EVC2: variants seen among roughly 807,000 people sequenced by gnomAD.
The protein encoded by EVC2 is EvC ciliary complex subunit 2, also known as limbin.
In EVC2, 148 loss-of-function variants were observed where a neutral mutation model predicts 149.3. The ratio of observed to expected loss-of-function variants is 0.99; its 90% confidence interval spans 0.87 to 1.14. EVC2 has a LOEUF of 1.14. Ranked by LOEUF, EVC2 falls within the 50% of genes most tolerant of loss-of-function variation. The probability of loss-of-function intolerance (pLI) is 0.00; values close to 1 mark genes in which losing one functional copy is unlikely to be tolerated. For missense variants in EVC2, 1,854 were observed against 1,627.3 expected, an observed-to-expected ratio of 1.14 and a Z score of -2.40; for synonymous variants, 776 against 649.9, an observed-to-expected ratio of 1.19 and a Z score of -2.95.
intron 16 of EVC2, among the ~76,000 whole-genome samples, chr4:5,588,808 TATA>T (rs1712530738): frequency 6.6e-6 from 1 of 152,226 alleles, no homozygotes; most frequent in African/African-American, 2.4e-5. Context: ...TAAACAAAAT[TATA>T]ATGACTGTTT....
intron 19 of EVC2, among the ~76,000 whole-genome samples, chr4:5,572,000 C>T (rs921244248): frequency 2.6e-5 from 4 of 152,308 alleles, no homozygotes; most frequent in African/African-American, 7.2e-5. Context: ...TGCAGGCCAA[C>T]CCTGCAGAAT....
intron 6 of EVC2, among the ~76,000 whole-genome samples, chr4:5,684,723 G>T (rs1313177153): frequency 1.3e-5 from 2 of 152,196 alleles, no homozygotes; most frequent in Non-Finnish European, 2.9e-5. Context: ...ATATGTTAAA[G>T]TCTGAAGTCC....
In EVC2 at chr4:5,622,416, G is replaced by A. The variant is rs1715756953; in HGVS notation, c.2501+121C>T. ...GAGTTTATATGACTAATTAACGCTG[G>A]TAATCTCATCTGTCTGGGGCCAGGT... is the stretch of plus-strand genomic sequence containing the variant. On this transcript the variant is annotated intron_variant, in intron 14 of 21. Transcript: ENST00000344408. This position sits in a 1 kb window ranked among gnomAD's most constrained non-coding sequence, Gnocchi z 5.8. The A allele has an allele frequency of 8.7e-7, 1 of 1,155,020 alleles. No individual in the cohort carries two copies. The highest frequency in any genetic ancestry group is 1.3e-6 in the Non-Finnish European group (1 of 787,898). The allele number at this position is 1,155,020 out of a possible 1,614,324, so 71.5% of individuals were successfully genotyped here.
At chr4:5,542,034 C>T (rs1425148478), downstream of EVC2, among the ~76,000 whole-genome samples, 1 of 152,122 alleles carries the variant, frequency 6.6e-6, no homozygotes, top group African/African-American at 2.4e-5. Flanking sequence ...AAGGATAGGG[C>T]CTTATAAGAA....
Position 5,640,481 on chromosome 4 carries a change from GA to G in EVC2, c.1470+32del. 1.9e-6 allele frequency: 3 copies of G among 1,611,588 alleles called. No homozygotes were observed. Among genetic ancestry groups the G allele is most frequent in the Non-Finnish European group, 2.5e-6 (3 of 1,177,766 alleles). On this transcript the variant is annotated intron_variant, in intron 10 of 21. Transcript: ENST00000344408. The surrounding 1 kb of genome is among the most constrained non-coding windows in gnomAD (Gnocchi z 4.6). ...AAATGACAAATCCCTGAGAGAAAGGGAAGTGAACGCCTTCCTTTCAGACCTG... is the reference window on the plus strand; with the variant it reads ...AAATGACAAATCCCTGAGAGAAAGGGAGTGAACGCCTTCCTTTCAGACCTG...
rs1008433770 is a variant in EVC2, at chr4:5,670,795, A to G, written c.871-5146T>C. On this transcript the variant is annotated intron_variant, in intron 7 of 21. Transcript: ENST00000344408. This position sits in a 1 kb window ranked among gnomAD's most constrained non-coding sequence, Gnocchi z 5.2. The stretch of plus-strand genomic sequence containing the variant: ...CAAATTCATTATCACCATCACCACC[A>G]TGACCACCACCACCATTACCATAGC... 1.3e-5 allele frequency among the ~76,000 whole-genome samples: 2 copies of G among 151,782 alleles called. No homozygotes were observed. Among genetic ancestry groups the G allele is most frequent in the African/African-American group, 2.4e-5 (1 of 41,262 alleles).
At chr4:5,701,185 A>G (rs937125615) in intron 1 of EVC2, among the ~76,000 whole-genome samples, 4 of 151,628 alleles carry the variant, frequency 2.6e-5, no homozygotes, top group African/African-American at 9.7e-5. Context: ...CATCTCTCTG[A>G]CCTCCTTCAA....
Position 5,694,431 on chromosome 4 carries a change from G to A in EVC2, c.354C>T (p.Ala118=). Residue 118 remains alanine, a synonymous_variant, in exon 3 of 22, where the codon GCC becomes GCT. Coordinates refer to ENST00000344408, the MANE Select transcript of EVC2 (RefSeq NM_147127.5). ...EVFIPLSTSA[A]SSGPWAHSLF... is the part of the protein sequence containing the mutation. ...AGGAATGAGCCCATGGCCCACTAGA[G>A]GCTGCAGAAGTTGAGAGTGGGATGA... 1 of 1,614,174 alleles carries A rather than the reference G, an allele frequency of 6.2e-7. No homozygotes were observed. Among genetic ancestry groups the A allele is most frequent in the Non-Finnish European group, 8.5e-7 (1 of 1,180,014 alleles).
At position 5,657,538 on chromosome 4, in the gene EVC2, A is replaced by T. The variant is rs76605619; in HGVS notation, c.1145+5569T>A. ...TTGAGTAATGCTGCACCTCATCCTAATCTTTGCTATCATGTACCTTATAGC... is the reference window on the plus strand; with the variant it reads ...TTGAGTAATGCTGCACCTCATCCTATTCTTTGCTATCATGTACCTTATAGC... On this transcript the variant is annotated intron_variant, in intron 9 of 21. Transcript: ENST00000344408. This position sits in a 1 kb window ranked among gnomAD's most constrained non-coding sequence, Gnocchi z 4.7. 0.03 allele frequency among the ~76,000 whole-genome samples: 4,493 copies of T among 151,734 alleles called. 196 individuals are homozygous for T. The highest frequency in any genetic ancestry group is 0.1 in the African/African-American group (4,167 of 41,356).
rs368851256 is a variant in EVC2, at chr4:5,622,979, G to A, written c.2059C>T (p.Arg687Cys). Residue 687 changes from arginine to cysteine, a missense_variant, in exon 14 of 22, where the codon CGT (arginine) becomes TGT (cysteine). Transcript: ENST00000344408. This position sits in a 1 kb window ranked among gnomAD's most constrained non-coding sequence, Gnocchi z 5.8. The part of the protein sequence containing the change: ...RELLQKHREQ[R>C]REQASVGEAF... ...TCGCCGACGGACGCCTGCTCCCTAC[G>A]CTGCTCCCTGTGCTGGAGTTTCAGA... 25 of 1,613,458 alleles carry A rather than the reference G, an allele frequency of 1.5e-5. No homozygotes were observed. The highest frequency in any genetic ancestry group is 3.3e-4 in the Middle Eastern group (2 of 6,074).
At chr4:5,689,071 C>G (rs1012233483) in intron 5 of EVC2, 86 bp downstream of exon 5, 1 of 1,462,034 alleles carries the variant, frequency 6.8e-7, no homozygotes, top group Non-Finnish European at 9.5e-7. Flanking sequence ...GCTTTAAGAA[C>G]ATGCCTGACC....
At chr4:5,545,002 C>T (rs1721585585) in intron 21 of EVC2, among the ~76,000 whole-genome samples, 1 of 152,192 alleles carries the variant, frequency 6.6e-6, no homozygotes, top group Admixed American at 6.5e-5. Context: ...CTTCCAACAC[C>T]CTTCACTGAC....
chr4:5,668,740 G>A (rs1282919512), intron 7 of EVC2, among the ~76,000 whole-genome samples: 3 of 152,168 alleles, frequency 2.0e-5, no homozygotes, highest in Non-Finnish European at 2.9e-5. Context: ...TCTTCGAGAA[G>A]AGGGAATGAG....
intron 2 of EVC2, 99 bp downstream of exon 2, chr4:5,697,494 A>G: frequency 8.4e-7 from 1 of 1,194,376 alleles, no homozygotes; most frequent in Non-Finnish European, 1.2e-6. Flanking sequence ...AGGTGCTGGA[A>G]GGATCAGCAG....
intron 1 of EVC2, among the ~76,000 whole-genome samples, chr4:5,704,428 G>A (rs1310453819): frequency 6.6e-6 from 1 of 152,144 alleles, no homozygotes. Flanking sequence ...CAGGATTTCG[G>A]TTCTGCCTTG....
rs1003512429 is a variant in EVC2, at chr4:5,640,478, A to G, written c.1470+36T>C. ...GATAAATGACAAATCCCTGAGAGAA[A>G]GGGAAGTGAACGCCTTCCTTTCAGA... On this transcript the variant is annotated intron_variant, in intron 10 of 21. Coordinates refer to ENST00000344408, the MANE Select transcript of EVC2 (RefSeq NM_147127.5). The surrounding 1 kb of genome is among the most constrained non-coding windows in gnomAD (Gnocchi z 4.6). 1.2e-6 allele frequency: 2 copies of G among 1,612,250 alleles called. No homozygotes were observed. Among genetic ancestry groups the G allele is most frequent in the Admixed American group, 1.7e-5 (1 of 60,014 alleles).
intron 18 of EVC2, among the ~76,000 whole-genome samples, chr4:5,575,609 C>G (rs1722879483): frequency 6.6e-6 from 1 of 152,242 alleles, no homozygotes; most frequent in Non-Finnish European, 1.5e-5. Context: ...ATTAACCACG[C>G]TGTGTATAGA....
intron 9 of EVC2, among the ~76,000 whole-genome samples, chr4:5,658,268 G>C (rs1283368784): frequency 6.6e-6 from 1 of 152,158 alleles, no homozygotes; most frequent in Non-Finnish European, 1.5e-5. Context: ...AGTACTGCTT[G>C]CATGAACCAG....
At chr4:5,638,529 A>C (rs1045987273) in intron 10 of EVC2, among the ~76,000 whole-genome samples, 2 of 152,154 alleles carry the variant, frequency 1.3e-5, no homozygotes, top group Non-Finnish European at 2.9e-5. Flanking sequence ...TGGGATGTTG[A>C]GCAGCACAGT....
Sources: gnomAD v4.1 joint callset for allele counts (sites outside exome capture counted in the v4.1 genomes callset) on GRCh38, gnomAD v4.1.1 for gene constraint, Gnocchi (gnomAD v3.1) non-coding constraint, MANE v1.5 for transcripts, NCBI Gene and HGNC (gene_info 2026-07-23, HGNC 2026-07-21) for gene names.